Variants in IKBIP observed in about 807,000 individuals in gnomAD.
IKBIP encodes IKBKB interacting protein, also known as inhibitor of nuclear factor kappa-B kinase-interacting protein.
A neutral mutation model predicts 31.0 loss-of-function variants in IKBIP; 28 were observed. That is an observed-to-expected ratio of 0.90 (90% CI 0.67 to 1.24). IKBIP has a LOEUF of 1.24. Among genes scored for constraint, IKBIP ranks in the 50% most tolerant of loss-of-function variants. The probability of loss-of-function intolerance (pLI) is 0.00; values close to 1 mark genes in which losing one functional copy is unlikely to be tolerated. For missense variants in IKBIP, 453 were observed against 441.9 expected (o/e 1.03, Z -0.23); for synonymous variants, 164 against 160.3 (o/e 1.02, Z -0.17).
At chr12:98,615,870 CGT>C (rs1191787975) in intron 2 of IKBIP, among the ~76,000 whole-genome samples, 2 of 151,950 alleles carry the variant, frequency 1.3e-5, no homozygotes, top group Non-Finnish European at 2.9e-5. Flanking sequence ...TGTGTGTGTG[CGT>C]GTGTGTTATT....
At chr12:98,613,412 A>G (rs1041577687) in exon 3 of IKBIP, 4 of 462,598 alleles carry the variant, frequency 8.6e-6, no homozygotes, top group Non-Finnish European at 1.5e-5. Context: ...AATAGGTTTT[A>G]GCATATTTAT....
intron 1 of IKBIP, among the ~76,000 whole-genome samples, chr12:98,641,940 C>T (rs2097630873): frequency 6.6e-6 from 1 of 152,152 alleles, no homozygotes; most frequent in Non-Finnish European, 1.5e-5. Context: ...TAGGCATGAA[C>T]CACTGGGTCT....
chr12:98,640,482 A>AAAACAAAAC (rs1565844834), intron 1 of IKBIP, among the ~76,000 whole-genome samples: 10 of 149,776 alleles, frequency 6.7e-5, no homozygotes, highest in African/African-American at 2.3e-4. Context: ...CAAAACAAAA[A>AAAACAAAAC]AGCAATTAAA....
At position 98,625,327 on chromosome 12, in the gene IKBIP, G is replaced by C. The variant is rs57663236; in HGVS notation, c.*603C>G. 33 of 979,864 alleles carry C rather than the reference G, an allele frequency of 3.4e-5. No individual in the cohort carries two copies. Among genetic ancestry groups the C allele is most frequent in the Non-Finnish European group, 3.9e-5 (32 of 825,026 alleles). The allele number at this position is 979,864 out of a possible 1,614,324, so 60.7% of individuals were successfully genotyped here. A position where few individuals can be genotyped will look rare whatever the true frequency, so the allele number is the denominator to read the frequency against. ...AAACTAAAATGTTTCCCAGGCTTTA[G>C]AGTTTTCAGAAAGTGCATATTAATT... On this transcript the variant is annotated 3_prime_UTR_variant, in exon 3 of 3. Coordinates refer to ENST00000299157, the MANE Select transcript of IKBIP (RefSeq NM_153687.4).
chr12:98,632,264 T>G (rs1185946959), intron 2 of IKBIP, among the ~76,000 whole-genome samples: 1 of 150,942 alleles, frequency 6.6e-6, no homozygotes, highest in Non-Finnish European at 1.5e-5. Flanking sequence ...AGGCCAGGAG[T>G]TTGATACCAG....
At chr12:98,622,752 CT>C (rs1246958080), downstream of IKBIP, among the ~76,000 whole-genome samples, 4 of 151,666 alleles carry the variant, frequency 2.6e-5, no homozygotes, top group African/African-American at 9.7e-5. Flanking sequence ...AAAAATAATA[CT>C]ACTAATTTTG....
chr12:98,644,189 T>A (rs539499634), intron 1 of IKBIP, among the ~76,000 whole-genome samples: 1 of 152,258 alleles, frequency 6.6e-6, no homozygotes, highest in Admixed American at 6.5e-5. Flanking sequence ...AGTAACGGTT[T>A]ATAACAACGT....
chr12:98,638,272 TG>T (rs1054772848), intron 1 of IKBIP, among the ~76,000 whole-genome samples: 1 of 152,140 alleles, frequency 6.6e-6, no homozygotes, highest in Non-Finnish European at 1.5e-5. Flanking sequence ...ATCTGTGAAG[TG>T]GGGATAATAC....
chr12:98,642,571 G>GT (rs1302233487), intron 1 of IKBIP, among the ~76,000 whole-genome samples: 1 of 146,460 alleles, frequency 6.8e-6, no homozygotes, highest in East Asian at 2.0e-4. Flanking sequence ...AACATATTCC[G>GT]TATTAGTAAA....
intron 1 of IKBIP, among the ~76,000 whole-genome samples, chr12:98,641,848 TCTCA>T (rs2097630794): frequency 2.6e-5 from 4 of 152,070 alleles, no homozygotes; most frequent in African/African-American, 2.4e-5. Context: ...GTAGACACGG[TCTCA>T]CTATGTTTCC....
chr12:98,618,541 GCGTGAA>G (rs2097607643), intron 2 of IKBIP, among the ~76,000 whole-genome samples: 1 of 152,008 alleles, frequency 6.6e-6, no homozygotes. Flanking sequence ...TAGGAGAATG[GCGTGAA>G]CCCGGGAGGC....
At chr12:98,620,389 C>T (rs370421523), downstream of IKBIP, among the ~76,000 whole-genome samples, 24 of 148,242 alleles carry the variant, frequency 1.6e-4, no homozygotes, top group East Asian at 1.0e-3. Context: ...TTTTTTGAGA[C>T]GGAGTCTTGC....
chr12:98,637,004 G>C (rs186242818), intron 1 of IKBIP, among the ~76,000 whole-genome samples: 24 of 152,122 alleles, frequency 1.6e-4, no homozygotes, highest in East Asian at 1.4e-3. Flanking sequence ...CTATACTATA[G>C]ATTAGCGAGT....
intron 2 of IKBIP, among the ~76,000 whole-genome samples, chr12:98,615,397 T>C (rs1349382150): frequency 6.6e-6 from 1 of 152,178 alleles, no homozygotes; most frequent in East Asian, 1.9e-4. Flanking sequence ...CACGCCTGGC[T>C]GATTGTTGTT....
At position 98,618,399 on chromosome 12, in the gene IKBIP, G is replaced by T. The variant is rs577601218; in HGVS notation, c.298-4059C>A. Among the ~76,000 whole-genome samples the T allele has an allele frequency of 2.0e-5, 3 of 152,108 alleles. No homozygotes were observed. In the East Asian group the frequency reaches 5.8e-4, roughly 29 times the overall value. Reference sequence around the variant, plus strand: ...CCCAGCACTTTGGGAGGCCGAGGTGGGCGGATCACAAGGTCAAGAGATCGA... The same window carrying T: ...CCCAGCACTTTGGGAGGCCGAGGTGTGCGGATCACAAGGTCAAGAGATCGA... On this transcript the variant is annotated intron_variant, in intron 2 of 2. Transcript: ENST00000342502.
intron 1 of IKBIP, among the ~76,000 whole-genome samples, chr12:98,639,992 G>A (rs2097628954): frequency 6.6e-6 from 1 of 152,108 alleles, no homozygotes; most frequent in South Asian, 2.1e-4. Context: ...AAAGAAAAAA[G>A]CTGGAAATGG....
downstream of IKBIP, among the ~76,000 whole-genome samples, chr12:98,622,490 C>T (rs896638396): frequency 1.1e-4 from 17 of 152,170 alleles, no homozygotes; most frequent in Non-Finnish European, 1.9e-4. Context: ...CCACTACACT[C>T]CAGCCTGGGT....
At chr12:98,613,447 GTTTTA>G in exon 3 of IKBIP, 1 of 519,838 alleles carries the variant, frequency 1.9e-6, no homozygotes. Flanking sequence ...CTGTTTTAAA[GTTTTA>G]TTTTTACTGT....
rs2097617745 is a variant in IKBIP at position 98,629,304 on chromosome 12, G to A, written c.298-2538C>T. ...CGCCTTAATCCCAACATGTTGGGAT[G>A]CCAAGGCAGAAGGACTGCTTGAGCC... On this transcript the variant is annotated intron_variant, in intron 2 of 2. Transcript: ENST00000299157. Among the ~76,000 whole-genome samples, 9 of 152,344 alleles carry A rather than the reference G, an allele frequency of 5.9e-5. No homozygotes were observed. The South Asian group carries it at 1.7e-3, about 28-fold the overall frequency.
Sources: gnomAD v4.1 joint callset for allele counts (sites outside exome capture counted in the v4.1 genomes callset) on GRCh38, gnomAD v4.1.1 for gene constraint, MANE v1.5 for transcripts, NCBI Gene and HGNC (gene_info 2026-07-23, HGNC 2026-07-21) for gene names.